Variants in SLCO1A2 observed in about 807,000 individuals in gnomAD.
SLCO1A2 encodes the protein solute carrier organic anion transporter family member 1A2.
SLCO1A2 carries 67 observed loss-of-function variants against 69.0 expected under a neutral mutation model. That is an observed-to-expected ratio of 0.97 (90% CI 0.80 to 1.19). SLCO1A2 has a LOEUF of 1.19. Among genes scored for constraint, SLCO1A2 ranks in the 50% most tolerant of loss-of-function variants. The pLI is 0.00. For synonymous variants in SLCO1A2, 260 were observed against 265.9 expected (o/e 0.98, Z 0.22); for missense variants, 787 against 793.7 (o/e 0.99, Z 0.10).
intron 1 of SLCO1A2, among the ~76,000 whole-genome samples, chr12:21,404,373 A>G (rs866155420): frequency 6.6e-6 from 1 of 152,116 alleles, no homozygotes; most frequent in African/African-American, 2.4e-5. Flanking sequence ...TTAGCTATTT[A>G]TCCTGATGCT....
At chr12:21,283,689 C>T (rs1945219669) in intron 12 of SLCO1A2, among the ~76,000 whole-genome samples, 1 of 151,984 alleles carries the variant, frequency 6.6e-6, no homozygotes, top group Non-Finnish European at 1.5e-5. Flanking sequence ...GATTAATAAC[C>T]AGAATATGTA....
rs545649757 is a variant in SLCO1A2 at position 21,272,715 on chromosome 12, A to ATAAAAATTACTATCTTTT, written c.1793+1736_1793+1753dup. 5.3e-4 allele frequency among the ~76,000 whole-genome samples: 80 copies of ATAAAAATTACTATCTTTT among 152,250 alleles called. 1 individual carries two copies. The South Asian group carries it at 0.016, about 30-fold the overall frequency. On this transcript the variant is annotated intron_variant, in intron 14 of 14. Coordinates refer to ENST00000683939, the MANE Select transcript of SLCO1A2 (RefSeq NM_001386879.1). Reference sequence around the variant, plus strand: ...TAGTTCAAATTTTGAAAAGTCCAATATAAAAATTACTATCTTTTAACCAGC... The same window carrying ATAAAAATTACTATCTTTT: ...TAGTTCAAATTTTGAAAAGTCCAATATAAAAATTACTATCTTTTTAAAAATTACTATCTTTTAACCAGC...
In SLCO1A2 at chr12:21,305,691, G is replaced by A. The variant is rs139698297; in HGVS notation, c.443-1118C>T. ...CTGGGTCAGTCTTTGGCAATAGCCC[G>A]CTCAGGAAGAGAACACAGGCCACTA... On this transcript the variant is annotated intron_variant, in intron 5 of 14. Coordinates refer to ENST00000683939, the MANE Select transcript of SLCO1A2 (RefSeq NM_001386879.1). Among the ~76,000 whole-genome samples, 60 of 152,316 alleles carry A rather than the reference G, an allele frequency of 3.9e-4. No individual in the cohort carries two copies. In the East Asian group the frequency reaches 9.7e-3, roughly 25 times the overall value.
intron 4 of SLCO1A2, among the ~76,000 whole-genome samples, chr12:21,313,746 G>A (rs1026073418): frequency 2.0e-5 from 3 of 151,622 alleles, no homozygotes; most frequent in South Asian, 2.1e-4. Flanking sequence ...CGAGGCGGGC[G>A]GGTCACGAGG....
At chr12:21,371,401 A>T in intron 2 of SLCO1A2, among the ~76,000 whole-genome samples, 1 of 151,726 alleles carries the variant, frequency 6.6e-6, no homozygotes, top group Middle Eastern at 3.4e-3. Context: ...ATTTCTTTTG[A>T]TTTTTTTTCT....
At chr12:21,295,080 A>T (rs915970918) in intron 10 of SLCO1A2, 1 of 152,256 alleles carries the variant, frequency 6.6e-6, no homozygotes, top group Non-Finnish European at 1.5e-5. Flanking sequence ...AATACAAAAT[A>T]TGAAATGATT....
chr12:21,282,114 C>T (rs1450259552), intron 12 of SLCO1A2, among the ~76,000 whole-genome samples: 1 of 126,196 alleles, frequency 7.9e-6, no homozygotes, highest in East Asian at 2.1e-4. Flanking sequence ...GAAAAAGACA[C>T]ATAAGAAAAA....
intron 1 of SLCO1A2, among the ~76,000 whole-genome samples, chr12:21,391,587 C>T (rs1941155850): frequency 6.6e-6 from 1 of 152,062 alleles, no homozygotes; most frequent in South Asian, 2.1e-4. Flanking sequence ...AGTGCAGGTA[C>T]CTTGAACAAA....
At chr12:21,389,811 T>C (rs529323586) in intron 1 of SLCO1A2, among the ~76,000 whole-genome samples, 7 of 151,748 alleles carry the variant, frequency 4.6e-5, no homozygotes, top group Admixed American at 2.6e-4. Context: ...CCCACAGAGA[T>C]ACAAGAAAGA....
rs532254717 is a variant in SLCO1A2 at position 21,404,497 on chromosome 12, T to G, written c.-312+13385A>C. ...GAGAAACATGTGGTGTTTAGTTTTC[T>G]GTTCCTGCATTAGTTTGCTGAGGAT... is the stretch of plus-strand genomic sequence containing the variant. On this transcript the variant is annotated intron_variant, in intron 1 of 4. Coordinates refer to the SLCO1A2 transcript ENST00000413682. 3.3e-5 allele frequency among the ~76,000 whole-genome samples: 5 copies of G among 152,318 alleles called. No homozygotes were observed. The East Asian group carries it at 7.7e-4, about 24-fold the overall frequency.
chr12:21,394,161 G>A (rs117311293), intron 1 of SLCO1A2, among the ~76,000 whole-genome samples: 1,775 of 152,250 alleles, frequency 0.012, 22 homozygotes, highest in Middle Eastern at 0.034. Flanking sequence ...ACGGGCCCAT[G>A]AACAAGACAG....
chr12:21,292,014 G>A, intron 12 of SLCO1A2, 150 bp downstream of exon 12: 1 of 487,704 alleles, frequency 2.1e-6, no homozygotes, highest in Non-Finnish European at 3.5e-6. Flanking sequence ...AAAATTTTGT[G>A]AAATCCAACA....
At chr12:21,291,863 T>G (rs1216923492) in intron 12 of SLCO1A2, among the ~76,000 whole-genome samples, 1 of 152,206 alleles carries the variant, frequency 6.6e-6, no homozygotes, top group Non-Finnish European at 1.5e-5. Context: ...GGCCATTTTA[T>G]ACGGCCTACC....
intron 1 of SLCO1A2, among the ~76,000 whole-genome samples, chr12:21,405,924 A>G (rs1259476753): frequency 6.6e-6 from 1 of 152,236 alleles, no homozygotes; most frequent in African/African-American, 2.4e-5. Flanking sequence ...CAGGATAATC[A>G]TAGCACCTAC....
intron 12 of SLCO1A2, among the ~76,000 whole-genome samples, chr12:21,276,334 T>TATAC (rs1943816725): frequency 6.6e-6 from 1 of 151,610 alleles, no homozygotes; most frequent in Admixed American, 6.6e-5. Context: ...GTACCACACA[T>TATAC]ATACATATAT....
At chr12:21,323,586 T>C (rs1951911358) in intron 2 of SLCO1A2, among the ~76,000 whole-genome samples, 1 of 151,958 alleles carries the variant, frequency 6.6e-6, no homozygotes, top group Middle Eastern at 3.2e-3. Context: ...AAGAAATAAA[T>C]AAATGAAAAT....
intron 12 of SLCO1A2, among the ~76,000 whole-genome samples, chr12:21,287,864 G>T (rs1181512985): frequency 1.1e-5 from 1 of 94,900 alleles, no homozygotes; most frequent in Non-Finnish European, 2.1e-5. Flanking sequence ...ACTGTGGTGG[G>T]GTGGGGGGAG....
At chr12:21,298,838 C>G (rs1948147055) in intron 8 of SLCO1A2, among the ~76,000 whole-genome samples, 1 of 152,076 alleles carries the variant, frequency 6.6e-6, no homozygotes, top group South Asian at 2.1e-4. Flanking sequence ...CAGAATGATT[C>G]TGAGAATTTG....
chr12:21,269,871 TG>T, intron 14 of SLCO1A2, 104 bp from the exon 15 acceptor site: 1 of 753,394 alleles, frequency 1.3e-6, no homozygotes, highest in Non-Finnish European at 1.9e-6. Context: ...CAGCAGCTGA[TG>T]GTTTTGCATG....
Sources: allele counts gnomAD v4.1 joint callset (sites outside exome capture counted in the v4.1 genomes callset), GRCh38; gene constraint gnomAD v4.1.1; transcripts MANE v1.5; gene names NCBI Gene and HGNC (gene_info 2026-07-23, HGNC 2026-07-21).